Variants in ZCCHC14 observed in about 807,000 individuals in gnomAD.
The protein encoded by ZCCHC14 is zinc finger CCHC-type containing 14.
In ZCCHC14, 16 loss-of-function variants were observed where a neutral mutation model predicts 85.0. The ratio of observed to expected loss-of-function variants is 0.19; its 90% CI spans 0.13 to 0.29. The LOEUF (loss-of-function observed/expected upper bound fraction) is 0.29. ZCCHC14 is among the 10% of genes least tolerant of loss of function. The probability of loss-of-function intolerance (pLI) is 1.00; values close to 1 mark genes in which losing one functional copy is unlikely to be tolerated. For synonymous variants in ZCCHC14, 775 were observed against 630.7 expected, an observed-to-expected ratio of 1.23 and a Z score of -3.43; for missense variants, 1,303 against 1,443.5, an observed-to-expected ratio of 0.90 and a Z score of 1.58.
chr16:87,451,904 C>T (rs758151339), intron 2 of ZCCHC14, among the ~76,000 whole-genome samples: 1 of 152,248 alleles, frequency 6.6e-6, no homozygotes, highest in East Asian at 1.9e-4. Flanking sequence ...TACTTTCTAG[C>T]TCACGAGCCT....
At chr16:87,416,610 G>C (rs920239237) in intron 8 of ZCCHC14, among the ~76,000 whole-genome samples, 2 of 151,928 alleles carry the variant, frequency 1.3e-5, no homozygotes, top group Non-Finnish European at 2.9e-5. Context: ...CAAAATATTA[G>C]CCAGGTATGC....
chr16:87,411,161 G>A (rs2150718765), intron 12 of ZCCHC14, among the ~76,000 whole-genome samples: 1 of 152,370 alleles, frequency 6.6e-6, no homozygotes, highest in Admixed American at 6.5e-5. Flanking sequence ...GGTCCGGAAT[G>A]CCGATGCGCC....
At chr16:87,476,989 G>A (rs1912036180) in intron 1 of ZCCHC14, among the ~76,000 whole-genome samples, 1 of 151,810 alleles carries the variant, frequency 6.6e-6, no homozygotes, top group African/African-American at 2.4e-5. Flanking sequence ...GCCGGGCATG[G>A]TGGTGCGTGC....
chr16:87,482,912 G>A (rs1299883827), intron 1 of ZCCHC14, among the ~76,000 whole-genome samples: 2 of 151,870 alleles, frequency 1.3e-5, no homozygotes, highest in South Asian at 4.2e-4. Flanking sequence ...GAATGTACGG[G>A]GCGTCATGTG....
At chr16:87,473,349 G>C (rs2150770128) in intron 1 of ZCCHC14, 1 of 152,230 alleles carries the variant, frequency 6.6e-6, no homozygotes, top group East Asian at 1.9e-4. Flanking sequence ...ATAACAGGCA[G>C]GCGCCACCAC....
At chr16:87,449,485 C>T (rs566434610) in intron 2 of ZCCHC14, among the ~76,000 whole-genome samples, 6 of 152,028 alleles carry the variant, frequency 3.9e-5, no homozygotes, top group Non-Finnish European at 7.4e-5. Flanking sequence ...GGTGCAGAGG[C>T]GCAGCGACAG....
intron 1 of ZCCHC14, among the ~76,000 whole-genome samples, chr16:87,461,588 T>G (rs1339706219): frequency 1.3e-5 from 2 of 152,194 alleles, no homozygotes; most frequent in East Asian, 1.9e-4. Context: ...AGGTGGCAGT[T>G]GACCAAAACA....
chr16:87,453,370 C>G (rs1910800643), intron 2 of ZCCHC14, among the ~76,000 whole-genome samples: 1 of 152,240 alleles, frequency 6.6e-6, no homozygotes, highest in Non-Finnish European at 1.5e-5. Flanking sequence ...TGGGAGCAGG[C>G]AGAACCTGGA....
chr16:87,455,355 G>C (rs1597434119), intron 2 of ZCCHC14, among the ~76,000 whole-genome samples: 2 of 152,126 alleles, frequency 1.3e-5, no homozygotes, highest in Middle Eastern at 6.9e-3. Flanking sequence ...CCATGAGCTG[G>C]CCTCGGCACC....
chr16:87,423,177 G>A (rs574036793), intron 4 of ZCCHC14, among the ~76,000 whole-genome samples: 1 of 152,352 alleles, frequency 6.6e-6, no homozygotes, highest in Admixed American at 6.5e-5. Context: ...CACGTGTGCA[G>A]TTACAACTGT....
At chr16:87,451,817 G>C (rs1910719317) in intron 2 of ZCCHC14, among the ~76,000 whole-genome samples, 1 of 152,212 alleles carries the variant, frequency 6.6e-6, no homozygotes, top group South Asian at 2.1e-4. Context: ...GCAGCTCCCT[G>C]GCTGGTGACA....
chr16:87,435,492 G>C (rs558216002), intron 2 of ZCCHC14, among the ~76,000 whole-genome samples: 1 of 152,362 alleles, frequency 6.6e-6, no homozygotes, highest in South Asian at 2.1e-4. Flanking sequence ...AGCTGTGCCA[G>C]ACACCACCCT....
At chr16:87,463,025 G>A (rs1013118354) in intron 1 of ZCCHC14, among the ~76,000 whole-genome samples, 4 of 152,106 alleles carry the variant, frequency 2.6e-5, no homozygotes, top group Admixed American at 1.3e-4. Flanking sequence ...CCGAGATTGC[G>A]CCATTGCACT....
chr16:87,410,028 G>C lies in ZCCHC14; in HGVS notation c.*252C>G. The C allele has an allele frequency of 2.8e-6, 1 of 362,770 alleles. No individual in the cohort carries two copies. The allele number at this position is 362,770 out of a possible 1,614,324, so 22.5% of individuals were successfully genotyped here. A position where few individuals can be genotyped will look rare whatever the true frequency, so the allele number is the denominator to read the frequency against. Reference sequence around the variant, plus strand: ...TGGCGTCTCTGCACTGCAACCAAAAGTGGAGGTGGCCGATCTCACCAGCCA... The same window carrying C: ...TGGCGTCTCTGCACTGCAACCAAAACTGGAGGTGGCCGATCTCACCAGCCA... On this transcript the variant is annotated 3_prime_UTR_variant, in exon 13 of 13. Coordinates refer to ENST00000671377, the MANE Select transcript of ZCCHC14 (RefSeq NM_015144.3).
chr16:87,485,941 G>A (rs1218237853), intron 1 of ZCCHC14, among the ~76,000 whole-genome samples: 12 of 152,084 alleles, frequency 7.9e-5, no homozygotes, highest in Admixed American at 7.2e-4. Flanking sequence ...AGTTATCTTC[G>A]CACTTGAACA....
At position 87,417,587 on chromosome 16, in the gene ZCCHC14, G is replaced by C; in HGVS notation, c.1256C>G (p.Pro419Arg). 6.2e-7 allele frequency: 1 copy of C among 1,614,268 alleles called. No individual in the cohort carries two copies. The highest frequency in any genetic ancestry group is 8.5e-7 in the Non-Finnish European group (1 of 1,180,048). ...CAGACTGGAAGGCATGAGGATGGCA[G>C]GTGATGTGTCCATCTGGGTCCGGTA... Reference protein sequence around the residue: ...LAYRTQMDTSPAILMPSSLQT... With the variant: ...LAYRTQMDTSRAILMPSSLQT... Residue 419 changes from proline (P) to arginine (R), a missense_variant, in exon 8 of 13, where the codon CCT (proline) becomes CGT (arginine). Physicochemically the swap from Pro to Arg is moderately radical, Grantham distance 103 (BLOSUM62 -2). Transcript: ENST00000671377.
chr16:87,407,493 C>G lies in ZCCHC14; in HGVS notation c.*2787G>C, dbSNP rs938640263. The G allele has an allele frequency of 6.6e-6, 1 of 152,170 alleles. No individual in the cohort carries two copies. The highest frequency in any genetic ancestry group is 1.5e-5 in the Non-Finnish European group (1 of 68,020). The allele number at this position is 152,170 out of a possible 1,614,324, so 9.4% of individuals were successfully genotyped here. On this transcript the variant is annotated 3_prime_UTR_variant, in exon 13 of 13. Transcript: ENST00000671377. The stretch of plus-strand genomic sequence containing the variant: ...CAACATTAGAAAATAAGGTAGAAAA[C>G]TGAGTGTTTTGCTTAAAAAATAAAA...
chr16:87,458,603 G>C (rs887375132), intron 2 of ZCCHC14, among the ~76,000 whole-genome samples: 1 of 152,206 alleles, frequency 6.6e-6, no homozygotes, highest in Non-Finnish European at 1.5e-5. Context: ...ATCTAAATCA[G>C]AGACAGGTGG....
chr16:87,469,570 C>G lies in ZCCHC14; in HGVS notation c.571-9439G>C, dbSNP rs145298062. ...TGGAAATAATGGCACCTACCTAAGG[C>G]TTTTGTGAGAATTCAGTAAAATGCA... On this transcript the variant is annotated intron_variant, in intron 1 of 12. Transcript: ENST00000671377. Among the ~76,000 whole-genome samples the G allele has an allele frequency of 1.2e-3, 182 of 152,342 alleles. 1 individual carries two copies. The highest frequency in any genetic ancestry group is 4.0e-3 in the African/African-American group (168 of 41,578).
Sources: allele counts gnomAD v4.1 joint callset (sites outside exome capture counted in the v4.1 genomes callset), GRCh38; gene constraint gnomAD v4.1.1; transcripts MANE v1.5; gene names NCBI Gene and HGNC (gene_info 2026-07-23, HGNC 2026-07-21).